The following GNB4 variants were observed in gnomAD, a reference collection of about 807,000 sequenced individuals.
The protein encoded by GNB4 is guanine nucleotide-binding protein subunit beta-4.
Under a neutral mutation model 45.2 loss-of-function variants are expected in GNB4, and 28 were observed. The ratio of observed to expected loss-of-function variants is 0.62; its 90% CI spans 0.46 to 0.85. The LOEUF is 0.85. Ranked by LOEUF, GNB4 falls within the 40% of genes least tolerant of loss-of-function variation. GNB4 has a pLI of 0.00. For missense variants in GNB4, 321 were observed against 425.4 expected, an observed-to-expected ratio of 0.75 and a Z score of 2.16; for synonymous variants, 132 against 143.7, an observed-to-expected ratio of 0.92 and a Z score of 0.58.
the GNB4 span, among the ~76,000 whole-genome samples, chr3:179,508,932 G>GTGTATATATATATA: frequency 3.0e-4 from 31 of 102,142 alleles, no homozygotes; most frequent in Admixed American, 9.7e-4. Context: ...TTCAGCATGT[G>GTGTATATATATATA]TATATATATA....
At chr3:179,524,894 A>G in the GNB4 span, among the ~76,000 whole-genome samples, 1 of 152,194 alleles carries the variant, frequency 6.6e-6, no homozygotes, top group Non-Finnish European at 1.5e-5. Flanking sequence ...ATGAAACTGT[A>G]AGCTGGACCA....
At chr3:179,496,673 AAG>A in the GNB4 span, among the ~76,000 whole-genome samples, 1 of 152,150 alleles carries the variant, frequency 6.6e-6, no homozygotes, top group East Asian at 1.9e-4. Context: ...CAGAAACCAA[AAG>A]AGAGCAGGGG....
intron 4 of GNB4, among the ~76,000 whole-genome samples, chr3:179,418,825 CAT>C (rs1348883577): frequency 1.3e-5 from 2 of 152,364 alleles, no homozygotes; most frequent in African/African-American, 4.8e-5. Flanking sequence ...GCCTTATACA[CAT>C]AGTGAATGAC....
the GNB4 span, among the ~76,000 whole-genome samples, chr3:179,511,158 G>A: frequency 3.9e-5 from 6 of 152,208 alleles, no homozygotes; most frequent in South Asian, 2.1e-4. Flanking sequence ...CAAAAGAGCC[G>A]TGGTTGATCT....
the GNB4 span, among the ~76,000 whole-genome samples, chr3:179,505,643 A>T: frequency 6.6e-6 from 1 of 152,176 alleles, no homozygotes; most frequent in African/African-American, 2.4e-5. Flanking sequence ...AATTATACTT[A>T]TTTACCCACT....
chr3:179,406,580 A>T (rs941727226), intron 8 of GNB4, among the ~76,000 whole-genome samples: 2 of 151,932 alleles, frequency 1.3e-5, no homozygotes, highest in Admixed American at 6.6e-5. Flanking sequence ...GATACTCTTA[A>T]ATTCAACAGG....
the GNB4 span, among the ~76,000 whole-genome samples, chr3:179,496,102 G>T: frequency 3.9e-5 from 6 of 151,984 alleles, no homozygotes; most frequent in Non-Finnish European, 8.8e-5. Context: ...GTAGTACAAA[G>T]ACAAAAGTAT....
chr3:179,521,883 A>G, the GNB4 span, among the ~76,000 whole-genome samples: 1 of 151,950 alleles, frequency 6.6e-6, no homozygotes, highest in Admixed American at 6.6e-5. Flanking sequence ...CAACCCCGCA[A>G]TATCACCCCT....
the GNB4 span, among the ~76,000 whole-genome samples, chr3:179,516,554 A>C: frequency 1.3e-5 from 2 of 152,218 alleles, no homozygotes; most frequent in Non-Finnish European, 2.9e-5. Flanking sequence ...CAGTAGTAGA[A>C]TAGCAGATGG....
At chr3:179,404,089 C>G (rs1714390685) in intron 9 of GNB4, among the ~76,000 whole-genome samples, 1 of 152,008 alleles carries the variant, frequency 6.6e-6, no homozygotes, top group Admixed American at 6.6e-5. Context: ...TGTGAAGATT[C>G]ATTAGTGAGA....
intron 8 of GNB4, among the ~76,000 whole-genome samples, chr3:179,412,443 A>T (rs975381620): frequency 1.3e-5 from 2 of 152,056 alleles, no homozygotes; most frequent in Admixed American, 1.3e-4. Context: ...ATGCCATTGT[A>T]CTCCAGCCTG....
the GNB4 span, among the ~76,000 whole-genome samples, chr3:179,526,449 A>G: frequency 3.2e-4 from 48 of 152,230 alleles, no homozygotes; most frequent in African/African-American, 1.1e-3. Context: ...GTCACTGAAG[A>G]TAAAACATAC....
At chr3:179,420,307 T>G (rs915535512) in intron 3 of GNB4, among the ~76,000 whole-genome samples, 1 of 150,088 alleles carries the variant, frequency 6.7e-6, no homozygotes, top group Non-Finnish European at 1.5e-5. Flanking sequence ...TTTCATGTTT[T>G]TTTTTTTTTT....
upstream of GNB4, among the ~76,000 whole-genome samples, chr3:179,455,560 T>C (rs1413302751): frequency 1.3e-5 from 2 of 152,244 alleles, no homozygotes; most frequent in Non-Finnish European, 2.9e-5. Flanking sequence ...CGTGGACTCT[T>C]GCCCTGTAAG....
chr3:179,437,380 C>A (rs1715480421), intron 1 of GNB4, among the ~76,000 whole-genome samples: 1 of 151,996 alleles, frequency 6.6e-6, no homozygotes, highest in African/African-American at 2.4e-5. Flanking sequence ...GCCTGGCCAA[C>A]ATGGTGAAAC....
At chr3:179,440,650 A>G (rs1198984377) in intron 1 of GNB4, among the ~76,000 whole-genome samples, 1 of 152,170 alleles carries the variant, frequency 6.6e-6, no homozygotes, top group Non-Finnish European at 1.5e-5. Flanking sequence ...TTTGGGGTGA[A>G]CACGGTTAAT....
the GNB4 span, among the ~76,000 whole-genome samples, chr3:179,464,174 TGG>T: frequency 2.4e-4 from 36 of 152,228 alleles, no homozygotes; most frequent in Non-Finnish European, 3.8e-4. Flanking sequence ...AAAGTTAACC[TGG>T]GGCTGGGTGC....
the GNB4 span, among the ~76,000 whole-genome samples, chr3:179,522,183 AAAG>A: frequency 6.6e-6 from 1 of 152,074 alleles, no homozygotes; most frequent in African/African-American, 2.4e-5. Flanking sequence ...TTCCACCACA[AAAG>A]AAGTTAAAAT....
the GNB4 span, among the ~76,000 whole-genome samples, chr3:179,522,486 A>T: frequency 0.024 from 3,372 of 143,312 alleles, 64 homozygotes; most frequent in Non-Finnish European, 0.036. Context: ...CGAGTGAAAG[A>T]AGGCATATTT....
Sources: gnomAD v4.1 joint callset for allele counts (sites outside exome capture counted in the v4.1 genomes callset) on GRCh38, gnomAD v4.1.1 for gene constraint, MANE v1.5 for transcripts, NCBI Gene and HGNC (gene_info 2026-07-23, HGNC 2026-07-21) for gene names.